DPP6: variants seen among roughly 807,000 people sequenced by gnomAD.
DPP6 encodes the protein A-type potassium channel modulatory protein DPP6.
A neutral mutation model predicts 122.6 loss-of-function variants in DPP6; 69 were observed. That is an observed-to-expected ratio of 0.56 (90% CI 0.46 to 0.69). The LOEUF is 0.69. Among genes scored for constraint, DPP6 ranks in the 30% least tolerant of loss-of-function variants. The probability of loss-of-function intolerance (pLI) is 0.00; values close to 1 mark genes in which losing one functional copy is unlikely to be tolerated. For synonymous variants in DPP6, 418 were observed against 433.1 expected (o/e 0.97, Z 0.43); for missense variants, 928 against 1,116.9 (o/e 0.83, Z 2.41).
intron 1 of DPP6, among the ~76,000 whole-genome samples, chr7:154,297,912 G>T (rs1805648000): frequency 6.6e-6 from 1 of 152,172 alleles, no homozygotes; most frequent in South Asian, 2.1e-4. Context: ...TGCCTGTCAT[G>T]GTTAGTTTTA....
chr7:154,108,520 A>G (rs182238474), intron 1 of DPP6, among the ~76,000 whole-genome samples: 1 of 152,282 alleles, frequency 6.6e-6, no homozygotes, highest in Non-Finnish European at 1.5e-5. Flanking sequence ...CACTGGGACA[A>G]GCAGATATCC....
intron 1 of DPP6, among the ~76,000 whole-genome samples, chr7:153,905,142 C>T (rs1274374296): frequency 1.3e-5 from 2 of 152,156 alleles, no homozygotes. Flanking sequence ...TCTTATGACC[C>T]ACAGTCGAAC....
At chr7:153,755,346 G>A in the DPP6 span, among the ~76,000 whole-genome samples, 1,669 of 143,784 alleles carry the variant, frequency 0.012, 34 homozygotes, top group African/African-American at 0.042. Context: ...AAATCTTTGT[G>A]AAGCTTTCTT....
chr7:153,808,252 C>T, the DPP6 span, among the ~76,000 whole-genome samples: 117 of 144,922 alleles, frequency 8.1e-4, 1 homozygote, highest in South Asian at 0.022. Flanking sequence ...TGTGCACGTG[C>T]GTGCGTGTGT....
intron 7 of DPP6, among the ~76,000 whole-genome samples, chr7:154,709,459 A>G (rs1024481273): frequency 6.6e-6 from 1 of 152,134 alleles, no homozygotes; most frequent in Non-Finnish European, 1.5e-5. Context: ...GCCTCAAGTA[A>G]TCCTCCCACC....
chr7:153,881,341 C>A, the DPP6 span, among the ~76,000 whole-genome samples: 2 of 152,154 alleles, frequency 1.3e-5, no homozygotes, highest in African/African-American at 4.8e-5. Context: ...ATAACATTAG[C>A]ACTGAGGTGA....
chr7:154,188,677 A>G (rs1214142171), intron 1 of DPP6, among the ~76,000 whole-genome samples: 1 of 152,208 alleles, frequency 6.6e-6, no homozygotes, highest in Non-Finnish European at 1.5e-5. Flanking sequence ...TTTGAAACAC[A>G]AAGGTATCTA....
intron 8 of DPP6, among the ~76,000 whole-genome samples, chr7:154,740,298 CT>C (rs11286104): frequency 0.18 from 25,667 of 143,322 alleles, 2,254 homozygotes; most frequent in Admixed American, 0.23. Context: ...ACTCTAATTT[CT>C]TTTTTTTTTT....
chr7:154,691,611 A>C (rs989339244), intron 7 of DPP6, among the ~76,000 whole-genome samples: 1 of 152,174 alleles, frequency 6.6e-6, no homozygotes, highest in Admixed American at 6.5e-5. Flanking sequence ...GGAGTTCAGG[A>C]GATCGAGACT....
intron 1 of DPP6, among the ~76,000 whole-genome samples, chr7:154,307,958 C>A (rs1806507954): frequency 6.6e-6 from 1 of 151,374 alleles, no homozygotes. Flanking sequence ...ACTGTGCTAA[C>A]TCAATGACTG....
intron 1 of DPP6, among the ~76,000 whole-genome samples, chr7:153,968,184 T>C (rs1795850896): frequency 6.7e-6 from 1 of 150,106 alleles, no homozygotes; most frequent in African/African-American, 2.5e-5. Flanking sequence ...GTGTGAGCTT[T>C]GCTCTGTAGC....
chr7:154,858,065 G>A (rs1279125049), intron 17 of DPP6, among the ~76,000 whole-genome samples: 1 of 152,050 alleles, frequency 6.6e-6, no homozygotes, highest in Non-Finnish European at 1.5e-5. Flanking sequence ...GAACAACTCA[G>A]ACAACCGTGT....
At chr7:153,930,539 A>G (rs995049062) in intron 1 of DPP6, among the ~76,000 whole-genome samples, 2 of 152,206 alleles carry the variant, frequency 1.3e-5, no homozygotes, top group Non-Finnish European at 2.9e-5. Flanking sequence ...TACACTGTGT[A>G]ATGGCTCCAT....
intron 3 of DPP6, among the ~76,000 whole-genome samples, chr7:154,479,557 C>CAAAA (rs35103324): frequency 1.3e-4 from 12 of 91,198 alleles, no homozygotes; most frequent in South Asian, 8.8e-4. Flanking sequence ...GACTCCATCT[C>CAAAA]AAAAAAAAAA....
At chr7:154,570,962 A>G (rs1294734283) in intron 5 of DPP6, among the ~76,000 whole-genome samples, 1 of 152,238 alleles carries the variant, frequency 6.6e-6, no homozygotes, top group Non-Finnish European at 1.5e-5. Flanking sequence ...TGGCACCAGC[A>G]TTATAGTTTG....
At chr7:153,960,160 GT>G (rs1214654774) in intron 1 of DPP6, among the ~76,000 whole-genome samples, 4 of 151,334 alleles carry the variant, frequency 2.6e-5, no homozygotes, top group African/African-American at 9.8e-5. Flanking sequence ...ACTTTATGAA[GT>G]TTGGGGTACC....
chr7:154,839,343 A>G (rs1801332481), intron 16 of DPP6, among the ~76,000 whole-genome samples: 1 of 152,228 alleles, frequency 6.6e-6, no homozygotes. Flanking sequence ...GTTTACTTTT[A>G]CTTTGTGATA....
the DPP6 span, among the ~76,000 whole-genome samples, chr7:153,880,054 C>A: frequency 6.6e-6 from 1 of 152,042 alleles, no homozygotes; most frequent in Non-Finnish European, 1.5e-5. Flanking sequence ...GGAAAATTAA[C>A]AAGGTTCATT....
the DPP6 span, among the ~76,000 whole-genome samples, chr7:153,877,981 A>G: frequency 1.3e-5 from 2 of 152,340 alleles, no homozygotes; most frequent in Non-Finnish European, 2.9e-5. Flanking sequence ...TCACAAAAGA[A>G]AATATCCAAA....
Sources: allele counts gnomAD v4.1 joint callset (sites outside exome capture counted in the v4.1 genomes callset), GRCh38; gene constraint gnomAD v4.1.1; transcripts MANE v1.5; gene names NCBI Gene and HGNC (gene_info 2026-07-23, HGNC 2026-07-21).